PALM2AKAP2: variants seen among roughly 807,000 people sequenced by gnomAD.
The protein encoded by PALM2AKAP2 is PALM2-AKAP2 fusion protein.
In PALM2AKAP2, 37 loss-of-function variants were observed where a neutral mutation model predicts 71.5. The observed-to-expected ratio is 0.52, with a 90% confidence interval of 0.40 to 0.68. PALM2AKAP2 has a LOEUF of 0.68. Among genes scored for constraint, PALM2AKAP2 ranks in the 30% least tolerant of loss-of-function variants. PALM2AKAP2 has a pLI of 0.00. For missense variants in PALM2AKAP2, 1,224 were observed against 1,191.8 expected (o/e 1.03, Z -0.40); for synonymous variants, 468 against 478.8 (o/e 0.98, Z 0.29).
At chr9:109,724,202 A>G (rs1564125783) in intron 1 of PALM2AKAP2, among the ~76,000 whole-genome samples, 1 of 152,232 alleles carries the variant, frequency 6.6e-6, no homozygotes, top group Non-Finnish European at 1.5e-5. Context: ...GTACATCTTT[A>G]AAAACAATAA....
chr9:109,769,272 G>A (rs1480639973), intron 1 of PALM2AKAP2, among the ~76,000 whole-genome samples: 1 of 152,062 alleles, frequency 6.6e-6, no homozygotes, highest in Non-Finnish European at 1.5e-5. Context: ...GTGGGCTGGG[G>A]GTGTTACAAT....
chr9:109,895,828 C>A (rs987852770), intron 3 of PALM2AKAP2, among the ~76,000 whole-genome samples: 1 of 152,154 alleles, frequency 6.6e-6, no homozygotes, highest in East Asian at 1.9e-4. Context: ...AACTTACAAT[C>A]ATGGCAGAAG....
chr9:109,797,044 T>A (rs1474798096), intron 1 of PALM2AKAP2, among the ~76,000 whole-genome samples: 1 of 152,210 alleles, frequency 6.6e-6, no homozygotes, highest in Non-Finnish European at 1.5e-5. Context: ...GAATTCTCAC[T>A]TCTTTCTTTT....
chr9:110,009,602 T>C (rs1832843446), intron 6 of PALM2AKAP2, among the ~76,000 whole-genome samples: 1 of 150,208 alleles, frequency 6.7e-6, no homozygotes, highest in Non-Finnish European at 1.5e-5. Context: ...TAGTCCCAAC[T>C]ACCCCAGAGG....
intron 6 of PALM2AKAP2, among the ~76,000 whole-genome samples, chr9:109,952,416 G>T (rs1209841643): frequency 6.6e-6 from 1 of 152,252 alleles, no homozygotes; most frequent in African/African-American, 2.4e-5. Context: ...AAATGAATCA[G>T]TTGGGAGTTC....
chr9:109,798,449 T>C (rs1718481022), intron 1 of PALM2AKAP2, among the ~76,000 whole-genome samples: 1 of 152,218 alleles, frequency 6.6e-6, no homozygotes, highest in African/African-American at 2.4e-5. Flanking sequence ...GGGTGCCATA[T>C]GCCATTAATG....
intron 4 of PALM2AKAP2, 30 bp downstream of exon 4, chr9:109,923,879 T>C (rs1482967268): frequency 6.5e-7 from 1 of 1,540,758 alleles, no homozygotes; most frequent in East Asian, 2.4e-5. Context: ...TTTCTCAAAG[T>C]TATTTCCATG....
chr9:109,693,463 A>G (rs1217439438), intron 1 of PALM2AKAP2, among the ~76,000 whole-genome samples: 3 of 151,700 alleles, frequency 2.0e-5, no homozygotes, highest in South Asian at 2.1e-4. Context: ...TTCTGATCTT[A>G]TCTTTATTAC....
intron 1 of PALM2AKAP2, among the ~76,000 whole-genome samples, chr9:109,864,377 A>G (rs1027798372): frequency 3.9e-5 from 6 of 152,170 alleles, no homozygotes; most frequent in African/African-American, 1.2e-4. Context: ...CCAAAACACC[A>G]CTTTGCCTAA....
chr9:109,646,315 T>G (rs1827153170), intron 1 of PALM2AKAP2, among the ~76,000 whole-genome samples: 1 of 152,198 alleles, frequency 6.6e-6, no homozygotes, highest in South Asian at 2.1e-4. Flanking sequence ...CACCTATAGA[T>G]TTTGCCTCAC....
intron 1 of PALM2AKAP2, among the ~76,000 whole-genome samples, chr9:109,799,849 G>A (rs116139169): frequency 6.6e-6 from 1 of 152,148 alleles, no homozygotes; most frequent in Non-Finnish European, 1.5e-5. Flanking sequence ...CCCAGAAGAA[G>A]CATCCTCCCC....
intron 1 of PALM2AKAP2, among the ~76,000 whole-genome samples, chr9:109,824,281 C>T (rs559025978): frequency 8.5e-5 from 13 of 152,328 alleles, no homozygotes; most frequent in African/African-American, 3.1e-4. Context: ...ATGCCCCTCT[C>T]TTCATGAAAA....
At chr9:109,895,263 G>T (rs2900503) in intron 3 of PALM2AKAP2, among the ~76,000 whole-genome samples, 132,541 of 152,242 alleles carry the variant, frequency 0.87, 57,876 homozygotes, top group African/African-American at 0.94. Context: ...TGCGGGGGCA[G>T]CTCAGGCCTT....
rs929068077 is a variant in PALM2AKAP2, at chr9:110,103,689, C to T, written c.157-32438C>T. On this transcript the variant is annotated intron_variant, in intron 1 of 3. Coordinates refer to ENST00000374525, the Ensembl canonical transcript of PALM2AKAP2. ...TCCTCTGGCTGATTTTTCTACTTTACCTGGAATTTTTATCCTGAATTTTTG... is the reference window on the plus strand; with the variant it reads ...TCCTCTGGCTGATTTTTCTACTTTATCTGGAATTTTTATCCTGAATTTTTG... Among the ~76,000 whole-genome samples the T allele has an allele frequency of 5.9e-4, 90 of 152,154 alleles. 2 individuals are homozygous for T. The highest frequency in any genetic ancestry group is 1.8e-4 in the Non-Finnish European group (12 of 68,024).
chr9:109,919,994 T>C (rs1045408933), intron 3 of PALM2AKAP2, among the ~76,000 whole-genome samples: 50 of 152,266 alleles, frequency 3.3e-4, no homozygotes, highest in African/African-American at 1.0e-3. Flanking sequence ...CTGAAACCCA[T>C]AGGGCCAGGG....
chr9:110,162,232 G>A, intron 3 of PALM2AKAP2, 100 bp downstream of exon 10: 1 of 1,519,898 alleles, frequency 6.6e-7, no homozygotes. Context: ...AAAATGGCAA[G>A]AAAAATGACT....
intron 7 of PALM2AKAP2, among the ~76,000 whole-genome samples, chr9:110,035,348 T>C (rs960239193): frequency 8.6e-5 from 11 of 128,152 alleles, no homozygotes; most frequent in African/African-American, 2.9e-4. Flanking sequence ...ATATTATATA[T>C]ATTATATGTA....
At chr9:110,116,721 C>T (rs1220981874) in intron 1 of PALM2AKAP2, among the ~76,000 whole-genome samples, 1 of 152,192 alleles carries the variant, frequency 6.6e-6, no homozygotes, top group Non-Finnish European at 1.5e-5. Context: ...AGGAAAATGT[C>T]TATGTATAGC....
intron 1 of PALM2AKAP2, among the ~76,000 whole-genome samples, chr9:109,791,037 A>T (rs1397142013): frequency 6.6e-6 from 1 of 152,182 alleles, no homozygotes; most frequent in Non-Finnish European, 1.5e-5. Flanking sequence ...CTCACCACAA[A>T]ACCCGAAGGA....
Sources: gnomAD v4.1 joint callset for allele counts (sites outside exome capture counted in the v4.1 genomes callset) on GRCh38, gnomAD v4.1.1 for gene constraint, MANE v1.5 for transcripts, NCBI Gene and HGNC (gene_info 2026-07-23, HGNC 2026-07-21) for gene names.